Variants in PKIB observed in about 807,000 individuals in gnomAD.
PKIB encodes cAMP-dependent protein kinase inhibitor beta.
A neutral mutation model predicts 4.5 loss-of-function variants in PKIB; 2 were observed. The ratio of observed to expected loss-of-function variants is 0.44; its 90% CI spans 0.18 to 1.39. PKIB has a LOEUF of 1.39. Among genes scored for constraint, PKIB ranks in the 40% most tolerant of loss-of-function variants. PKIB has a pLI of 0.27. For synonymous variants in PKIB, 38 were observed against 36.0 expected (o/e 1.06, Z -0.20); for missense variants, 94 against 92.6 (o/e 1.02, Z -0.06).
chr6:122,569,812 A>G (rs1773306428), intron 2 of PKIB, among the ~76,000 whole-genome samples: 1 of 152,218 alleles, frequency 6.6e-6, no homozygotes, highest in Non-Finnish European at 1.5e-5. Context: ...ACCCCGTGGA[A>G]CAAAAGAATC....
chr6:122,712,728 C>A (rs1582837993), intron 3 of PKIB, among the ~76,000 whole-genome samples: 1 of 152,116 alleles, frequency 6.6e-6, no homozygotes, highest in Admixed American at 6.6e-5. Flanking sequence ...AATGGTTTCA[C>A]TGTGGAAGAT....
At chr6:122,586,596 C>G (rs1773854916) in intron 3 of PKIB, among the ~76,000 whole-genome samples, 2 of 152,142 alleles carry the variant, frequency 1.3e-5, no homozygotes, top group African/African-American at 4.8e-5. Flanking sequence ...TCTCTTCAGT[C>G]TTTACTGAGT....
intron 2 of PKIB, among the ~76,000 whole-genome samples, chr6:122,577,848 G>T (rs1445956448): frequency 1.3e-5 from 2 of 151,022 alleles, no homozygotes; most frequent in Non-Finnish European, 2.9e-5. Context: ...GGCAGAGCTT[G>T]CAGTGAGCTG....
intron 3 of PKIB, among the ~76,000 whole-genome samples, chr6:122,599,226 G>A (rs906973707): frequency 4.6e-5 from 7 of 152,166 alleles, no homozygotes; most frequent in Non-Finnish European, 1.5e-5. Flanking sequence ...ATGGCAGCAT[G>A]GGTCAGGAAG....
chr6:122,644,203 C>T (rs1366426947), intron 2 of PKIB: 2 of 152,162 alleles, frequency 1.3e-5, no homozygotes, highest in African/African-American at 4.8e-5. Flanking sequence ...TTCAGGAATA[C>T]TTTATATTTC....
At chr6:122,655,670 CAT>C (rs1384098352) in intron 2 of PKIB, among the ~76,000 whole-genome samples, 7 of 151,876 alleles carry the variant, frequency 4.6e-5, no homozygotes, top group Non-Finnish European at 1.5e-5. Context: ...AGAAGACAGA[CAT>C]AAATAAATAA....
At chr6:122,585,151 C>T (rs984559477) in intron 2 of PKIB, among the ~76,000 whole-genome samples, 11 of 152,108 alleles carry the variant, frequency 7.2e-5, no homozygotes, top group Admixed American at 6.6e-5. Context: ...ACAGCACCTC[C>T]GCTGCTGCTG....
chr6:122,587,818 A>C (rs1773897057), intron 3 of PKIB, among the ~76,000 whole-genome samples: 2 of 152,186 alleles, frequency 1.3e-5, no homozygotes, highest in Non-Finnish European at 2.9e-5. Context: ...GGCTGCATAA[A>C]TGTCTTCTTT....
At chr6:122,539,381 T>C (rs572032276) in intron 2 of PKIB, among the ~76,000 whole-genome samples, 64 of 152,234 alleles carry the variant, frequency 4.2e-4, no homozygotes, top group Admixed American at 9.2e-4. Context: ...ATTGATAGTT[T>C]TTAGCATGAA....
chr6:122,692,374 C>T (rs1401262829), intron 3 of PKIB, among the ~76,000 whole-genome samples: 2 of 152,188 alleles, frequency 1.3e-5, no homozygotes, highest in African/African-American at 2.4e-5. Context: ...TTGCTCTATT[C>T]TACTACAGCT....
At chr6:122,682,405 T>C (rs1777931699) in intron 3 of PKIB, among the ~76,000 whole-genome samples, 1 of 152,140 alleles carries the variant, frequency 6.6e-6, no homozygotes, top group Non-Finnish European at 1.5e-5. Context: ...ACATTAATGC[T>C]ACCATTATCT....
chr6:122,651,241 ATACT>A (rs1776540434), intron 2 of PKIB, among the ~76,000 whole-genome samples: 1 of 152,240 alleles, frequency 6.6e-6, no homozygotes, highest in Non-Finnish European at 1.5e-5. Context: ...ATTATCCCAC[ATACT>A]TAATATTCAT....
At chr6:122,604,559 G>T (rs983016343) in intron 3 of PKIB, among the ~76,000 whole-genome samples, 1 of 152,216 alleles carries the variant, frequency 6.6e-6, no homozygotes, top group Non-Finnish European at 1.5e-5. Flanking sequence ...TTTGTGCTGG[G>T]AAGTGATAAG....
At chr6:122,487,793 T>C (rs749161412) in intron 2 of PKIB, among the ~76,000 whole-genome samples, 22 of 152,302 alleles carry the variant, frequency 1.4e-4, no homozygotes, top group Non-Finnish European at 3.1e-4. Context: ...TTAAGGTTTT[T>C]AGTTATAGCA....
In PKIB at chr6:122,652,315, T is replaced by A. The variant is rs967473907; in HGVS notation, c.-76+18948T>A. The stretch of plus-strand genomic sequence containing the variant: ...GTTTGTGTGTGTGTGTGTGTGTGTG[T>A]GTGTGTGTGTGTGTGTGTGGAGAGA... On this transcript the variant is annotated intron_variant, in intron 2 of 4. Coordinates refer to ENST00000368452, the MANE Select transcript of PKIB (RefSeq NM_181795.3). 3.2e-5 allele frequency among the ~76,000 whole-genome samples: 4 copies of A among 123,336 alleles called. No homozygotes were observed. In the South Asian group the frequency reaches 1.2e-3, roughly 36 times the overall value. The allele number at this position is 123,336 out of a possible 152,430, so 80.9% of individuals were successfully genotyped here. A position where few individuals can be genotyped will look rare whatever the true frequency, so the allele number is the denominator to read the frequency against.
At chr6:122,474,930 T>C (rs1775414393) in intron 1 of PKIB, among the ~76,000 whole-genome samples, 1 of 152,232 alleles carries the variant, frequency 6.6e-6, no homozygotes, top group African/African-American at 2.4e-5. Flanking sequence ...CAAAAATCAA[T>C]ATTAACCAAT....
chr6:122,560,429 T>C (rs897037243), intron 2 of PKIB, among the ~76,000 whole-genome samples: 2 of 151,874 alleles, frequency 1.3e-5, no homozygotes, highest in African/African-American at 4.8e-5. Flanking sequence ...TTTGATATGT[T>C]GTTGGTTAGC....
intron 2 of PKIB, among the ~76,000 whole-genome samples, chr6:122,519,445 C>G (rs922966913): frequency 2.0e-5 from 3 of 152,040 alleles, no homozygotes; most frequent in Non-Finnish European, 4.4e-5. Context: ...CCAAAACCAC[C>G]CCCCACATCC....
intron 2 of PKIB, among the ~76,000 whole-genome samples, chr6:122,516,165 C>G (rs1429734915): frequency 3.3e-5 from 5 of 152,164 alleles, no homozygotes; most frequent in Non-Finnish European, 7.3e-5. Context: ...ACACACGTAA[C>G]TACTTGAGCA....
Sources: gnomAD v4.1 joint callset for allele counts (sites outside exome capture counted in the v4.1 genomes callset) on GRCh38, gnomAD v4.1.1 for gene constraint, MANE v1.5 for transcripts, NCBI Gene and HGNC (gene_info 2026-07-23, HGNC 2026-07-21) for gene names.